ATG2B: variants seen among roughly 807,000 people sequenced by gnomAD.
ATG2B encodes autophagy related 2B, also known as autophagy-related protein 2 homolog B.
Under a neutral mutation model 241.3 loss-of-function variants are expected in ATG2B, and 121 were observed. The ratio of observed to expected loss-of-function variants is 0.50; its 90% CI spans 0.43 to 0.58. ATG2B has a LOEUF of 0.58. ATG2B is among the 20% of genes least tolerant of loss of function. The probability of loss-of-function intolerance (pLI) is 0.00; values close to 1 mark genes in which losing one functional copy is unlikely to be tolerated. For missense variants in ATG2B, 2,306 were observed against 2,491.6 expected (o/e 0.93, Z 1.59); for synonymous variants, 858 against 876.6 (o/e 0.98, Z 0.37).
intron 34 of ATG2B, among the ~76,000 whole-genome samples, chr14:96,301,570 C>T (rs763701512): frequency 1.2e-4 from 19 of 152,182 alleles, no homozygotes; most frequent in Non-Finnish European, 2.5e-4. Context: ...AAGTCTAAAT[C>T]TCTGTTGTTT....
intron 25 of ATG2B, 65 bp from the exon 26 acceptor site, chr14:96,312,224 A>G: frequency 1.9e-6 from 2 of 1,068,620 alleles, no homozygotes; most frequent in Admixed American, 4.5e-5. Context: ...CCCCATAATC[A>G]CTATATGCTT....
At chr14:96,286,884 T>A (rs1009468062) in intron 41 of ATG2B, among the ~76,000 whole-genome samples, 1 of 152,124 alleles carries the variant, frequency 6.6e-6, no homozygotes, top group South Asian at 2.1e-4. Context: ...AATCTAGCCA[T>A]CATTTTGGCA....
intron 34 of ATG2B, 21 bp downstream of exon 34, chr14:96,301,985 GA>G: frequency 6.4e-7 from 1 of 1,563,104 alleles, no homozygotes; most frequent in Admixed American, 1.7e-5. Context: ...GTAACGGCAG[GA>G]ATCACGCTCA....
At chr14:96,353,973 T>C (rs1422718221) in intron 1 of ATG2B, among the ~76,000 whole-genome samples, 2 of 152,180 alleles carry the variant, frequency 1.3e-5, no homozygotes, top group Non-Finnish European at 2.9e-5. Context: ...ATGAAAAAAG[T>C]TATATTTTAA....
chr14:96,306,940 T>A, intron 29 of ATG2B, 24 bp from the exon 30 acceptor site: 1 of 1,591,142 alleles, frequency 6.3e-7, no homozygotes, highest in Non-Finnish European at 8.6e-7. Flanking sequence ...TTACAACATT[T>A]TGGCACACTT....
chr14:96,326,347 A>G (rs138350848), intron 14 of ATG2B, among the ~76,000 whole-genome samples: 20 of 152,316 alleles, frequency 1.3e-4, no homozygotes, highest in African/African-American at 4.3e-4. Context: ...CTCAATGTGA[A>G]ATCAGATGAA....
Position 96,303,161 on chromosome 14 carries a change from T to C in ATG2B, c.4937A>G (p.Gln1646Arg). 6.2e-7 allele frequency: 1 copy of C among 1,613,582 alleles called. No individual in the cohort carries two copies. The change falls in exon 33 of 42, where the codon CAG becomes CGG. Residue 1646 changes from glutamine to arginine, a missense_variant. This residue lies in a region of ATG2B where 1,927 missense variants were observed against 2,011.2 expected (regional missense o/e 0.96). Coordinates refer to ENST00000359933, the MANE Select transcript of ATG2B (RefSeq NM_018036.7). ...HPVSRQVFIVQDLEIRDRLAT... is the reference protein window; with the variant it reads ...HPVSRQVFIVRDLEIRDRLAT... ...CAAACGATCTCGAATCTCAAGATCC[T>C]GAACAATGAACACCTGCCGGGAGAC... is the stretch of plus-strand genomic sequence containing the variant.
intron 1 of ATG2B, among the ~76,000 whole-genome samples, chr14:96,349,564 T>G (rs1169249981): frequency 1.3e-5 from 2 of 152,116 alleles, no homozygotes; most frequent in African/African-American, 4.8e-5. Flanking sequence ...CAGTCACAAG[T>G]GGATAAATTT....
chr14:96,321,497 C>G (rs1376802111), intron 18 of ATG2B, among the ~76,000 whole-genome samples: 1 of 152,058 alleles, frequency 6.6e-6, no homozygotes, highest in Non-Finnish European at 1.5e-5. Flanking sequence ...TCCAAACAAC[C>G]CTTATAGGTG....
At chr14:96,297,290 CT>C (rs770918860) in intron 34 of ATG2B, among the ~76,000 whole-genome samples, 80 of 149,354 alleles carry the variant, frequency 5.4e-4, no homozygotes, top group Non-Finnish European at 1.6e-4. Context: ...TCAATTTCCT[CT>C]TTAAAAAAAA....
At chr14:96,307,410 A>C (rs933493723) in intron 29 of ATG2B, among the ~76,000 whole-genome samples, 2 of 151,876 alleles carry the variant, frequency 1.3e-5, no homozygotes, top group African/African-American at 4.9e-5. Flanking sequence ...GAACCTGTCA[A>C]AAAAACAAAC....
At chr14:96,324,325 A>G (rs1887535309) in intron 15 of ATG2B, 2 of 212,856 alleles carry the variant, frequency 9.4e-6, no homozygotes, top group Non-Finnish European at 1.8e-5. Flanking sequence ...CTACCACTAG[A>G]AAAATAACTA....
In ATG2B at chr14:96,289,585, A is replaced by G; in HGVS notation, c.6006+71T>C. The G allele has an allele frequency of 1.3e-6, 2 of 1,561,118 alleles. No individual in the cohort carries two copies. The highest frequency in any genetic ancestry group is 1.7e-6 in the Non-Finnish European group (2 of 1,148,210). ...TCTACAGAATACATTTAAGCCATTA[A>G]ATGCTCTTTAGGTGAAAGTTGGGAA... On this transcript the variant is annotated intron_variant, in intron 41 of 41. Coordinates refer to ENST00000359933, the MANE Select transcript of ATG2B (RefSeq NM_018036.7). The surrounding 1 kb of genome is among the most constrained non-coding windows in gnomAD (Gnocchi z 4.3).
intron 29 of ATG2B, among the ~76,000 whole-genome samples, chr14:96,307,740 C>T (rs1886992837): frequency 6.6e-6 from 1 of 152,024 alleles, no homozygotes; most frequent in African/African-American, 2.4e-5. Flanking sequence ...GCAGAGGAGG[C>T]AGTGATTCAA....
chr14:96,311,131 G>C lies in ATG2B; in HGVS notation c.4147C>G (p.Gln1383Glu), dbSNP rs3759601. ...GCTGACTGTACCTTAGACCTTCTTT[G>C]AAAGGCTCCAGGCTTCATATCTGCC... ...NKADMKPGAFQRRSKVDSSGR... is the reference protein window; with the variant it reads ...NKADMKPGAFERRSKVDSSGR... The change falls in exon 28 of 42, where the codon CAA becomes GAA. Residue 1383 changes from glutamine to glutamate, a missense_variant. By Grantham distance (29) the Gln-to-Glu change is conservative. Around this residue, in one of 2 missense-constraint regions of ATG2B, gnomAD observed 1,927 missense variants for 2,011.2 expected, o/e 0.96. Transcript: ENST00000359933. 0.39 allele frequency: 635,834 copies of C among 1,610,334 alleles called. 131,674 individuals carry two copies. Among genetic ancestry groups the C allele is most frequent in the Non-Finnish European group, 0.43 (511,324 of 1,177,904 alleles).
intron 36 of ATG2B, 110 bp downstream of exon 36, chr14:96,294,849 CA>C (rs2139840134): frequency 3.5e-6 from 3 of 862,118 alleles, no homozygotes; most frequent in Non-Finnish European, 3.6e-6. Context: ...GATGATTTGG[CA>C]GTGCAAAGAA....
intron 1 of ATG2B, among the ~76,000 whole-genome samples, chr14:96,358,612 T>C (rs1009638178): frequency 6.6e-6 from 1 of 152,146 alleles, no homozygotes; most frequent in Admixed American, 6.5e-5. Flanking sequence ...ATATATCTTG[T>C]AGCATAAGGT....
intron 6 of ATG2B, among the ~76,000 whole-genome samples, chr14:96,341,276 G>T (rs1888027128): frequency 6.6e-6 from 1 of 152,142 alleles, no homozygotes; most frequent in Non-Finnish European, 1.5e-5. Context: ...CGGAATACGG[G>T]AGAGTGAGTG....
chr14:96,339,271 AGTGTGTGTGTGTGT>A (rs34822684), intron 6 of ATG2B, among the ~76,000 whole-genome samples: 3 of 147,470 alleles, frequency 2.0e-5, no homozygotes, highest in African/African-American at 7.5e-5. Flanking sequence ...GCAATTCCAC[AGTGTGTGTGTGTGT>A]GTGTGTGTGT....
Sources: gnomAD v4.1 joint callset for allele counts (sites outside exome capture counted in the v4.1 genomes callset) on GRCh38, gnomAD v4.1.1 for gene constraint, gnomAD v4.1.1 regional missense constraint, Gnocchi (gnomAD v3.1) non-coding constraint, MANE v1.5 for transcripts, NCBI Gene and HGNC (gene_info 2026-07-23, HGNC 2026-07-21) for gene names.